The following FBN2 variants were observed in gnomAD, a reference collection of about 807,000 sequenced individuals.
The protein encoded by FBN2 is fibrillin 2.
Under a neutral mutation model 355.6 loss-of-function variants are expected in FBN2, and 105 were observed. The observed-to-expected ratio is 0.30, with a 90% confidence interval of 0.25 to 0.35. FBN2 has a LOEUF of 0.35. Among genes scored for constraint, FBN2 ranks in the 10% least tolerant of loss-of-function variants. The probability of loss-of-function intolerance (pLI) is 1.00; values close to 1 mark genes in which losing one functional copy is unlikely to be tolerated. For missense variants in FBN2, 3,280 were observed against 3,758.7 expected, an observed-to-expected ratio of 0.87 and a Z score of 3.33; for synonymous variants, 1,350 against 1,301.2, an observed-to-expected ratio of 1.04 and a Z score of -0.81.
At chr5:128,481,856 T>C (rs6595828) in intron 5 of FBN2, among the ~76,000 whole-genome samples, 75,928 of 152,008 alleles carry the variant, frequency 0.5, 22,191 homozygotes, top group African/African-American at 0.82. Flanking sequence ...GTTGTACCTA[T>C]CGTGTTTCTG....
intron 48 of FBN2, among the ~76,000 whole-genome samples, chr5:128,293,400 G>T (rs1749389958): frequency 6.6e-6 from 1 of 152,006 alleles, no homozygotes; most frequent in South Asian, 2.1e-4. Context: ...GCTGAGGCAG[G>T]AGAATCACTT....
chr5:128,384,226 T>G (rs1321998705), intron 11 of FBN2, among the ~76,000 whole-genome samples: 1 of 152,088 alleles, frequency 6.6e-6, no homozygotes, highest in Admixed American at 6.6e-5. Flanking sequence ...TATAAAATTC[T>G]ACACGATGCA....
intron 7 of FBN2, among the ~76,000 whole-genome samples, chr5:128,418,427 C>A (rs1358878726): frequency 6.6e-6 from 1 of 151,996 alleles, no homozygotes; most frequent in Non-Finnish European, 1.5e-5. Context: ...CCTTGAGGTG[C>A]ATCATTAATT....
chr5:128,490,207 A>G (rs911723158), intron 5 of FBN2, among the ~76,000 whole-genome samples: 3 of 152,306 alleles, frequency 2.0e-5, no homozygotes, highest in Middle Eastern at 6.8e-3. Flanking sequence ...TGTTTTAACA[A>G]TTTGAGATCA....
At chr5:128,306,903 C>T (rs1431518906) in intron 42 of FBN2, among the ~76,000 whole-genome samples, 5 of 152,156 alleles carry the variant, frequency 3.3e-5, no homozygotes, top group Admixed American at 6.5e-5. Flanking sequence ...TGACAAATAT[C>T]GAGAGAGTCA....
intron 7 of FBN2, among the ~76,000 whole-genome samples, chr5:128,434,420 A>ATATATC (rs1272859429): frequency 7.4e-6 from 1 of 134,452 alleles, no homozygotes; most frequent in African/African-American, 2.9e-5. Flanking sequence ...ATATATATAT[A>ATATATC]TATATGGGCA....
chr5:128,338,867 C>A, intron 26 of FBN2, 66 bp downstream of exon 26: 1 of 1,547,180 alleles, frequency 6.5e-7, no homozygotes, highest in Non-Finnish European at 8.9e-7. Flanking sequence ...AAGCAAAGGT[C>A]ATGCGCACGA....
At chr5:128,475,568 G>A (rs551137077) in intron 5 of FBN2, among the ~76,000 whole-genome samples, 19 of 152,016 alleles carry the variant, frequency 1.2e-4, no homozygotes, top group Non-Finnish European at 2.4e-4. Flanking sequence ...AGATGTAATT[G>A]GAAAAAATAT....
At chr5:128,393,570 T>C (rs933237200) in intron 9 of FBN2, among the ~76,000 whole-genome samples, 4 of 152,270 alleles carry the variant, frequency 2.6e-5, no homozygotes, top group Non-Finnish European at 4.4e-5. Flanking sequence ...AAAACCTATA[T>C]TGTCACATTA....
intron 20 of FBN2, among the ~76,000 whole-genome samples, chr5:128,355,883 T>G (rs555060204): frequency 1.3e-4 from 20 of 152,210 alleles, no homozygotes; most frequent in African/African-American, 4.8e-4. Flanking sequence ...CATAAAGACT[T>G]GGGGGTAAAA....
chr5:128,411,970 T>C (rs1239667600), intron 7 of FBN2, among the ~76,000 whole-genome samples: 1 of 152,218 alleles, frequency 6.6e-6, no homozygotes, highest in Non-Finnish European at 1.5e-5. Context: ...AAGCATATAT[T>C]ATCTATGTAT....
intron 62 of FBN2, among the ~76,000 whole-genome samples, chr5:128,271,588 T>C (rs1271919109): frequency 1.3e-5 from 2 of 152,200 alleles, no homozygotes; most frequent in African/African-American, 4.8e-5. Flanking sequence ...AGAGCACACA[T>C]GGACTGTCCT....
At chr5:128,296,144 G>A (rs1231805780) in intron 48 of FBN2, among the ~76,000 whole-genome samples, 1 of 152,166 alleles carries the variant, frequency 6.6e-6, no homozygotes, top group East Asian at 1.9e-4. Context: ...TACATTTGTT[G>A]ATTTGCATAT....
chr5:128,486,238 G>T (rs1057425106), intron 5 of FBN2, among the ~76,000 whole-genome samples: 1 of 152,000 alleles, frequency 6.6e-6, no homozygotes, highest in Admixed American at 6.6e-5. Flanking sequence ...AAATGCAGAC[G>T]CCTTAACATT....
intron 20 of FBN2, among the ~76,000 whole-genome samples, chr5:128,353,946 C>T (rs1347688311): frequency 1.3e-5 from 2 of 152,144 alleles, no homozygotes; most frequent in South Asian, 2.1e-4. Flanking sequence ...CACCCCCCTA[C>T]AGGCTCATCC....
chr5:128,274,734 T>A, intron 59 of FBN2, 51 bp from the exon 60 acceptor site: 7 of 1,119,070 alleles, frequency 6.3e-6, no homozygotes, highest in Non-Finnish European at 9.6e-6. Flanking sequence ...TCTGGCTATG[T>A]TTCCTTTCTT....
Position 128,345,483 on chromosome 5 carries a change from C to A in FBN2, c.3091G>T (p.Ala1031Ser), listed in dbSNP as rs765153116. 8 of 1,614,192 alleles carry A rather than the reference C, an allele frequency of 5.0e-6. No individual in the cohort carries two copies. The highest frequency in any genetic ancestry group is 6.8e-6 in the Non-Finnish European group (8 of 1,180,038). ...RMDACCCAVG[A>S]AWGTECEECP... ...TCCTCACACTCGGTGCCCCAAGCCG[C>A]CCCGACAGCACAGCAGCAGGCATCC... The change falls in exon 24 of 65, where the codon GCG (alanine) becomes TCG (serine). Residue 1031 changes from alanine to serine, a missense_variant. Ala to Ser is a moderately conservative substitution (Grantham distance 99). This residue lies in a region of FBN2 where 2,284 missense variants were observed against 2,749.5 expected (regional missense o/e 0.83). Transcript: ENST00000262464.
rs376096770 is a variant in FBN2, at chr5:128,393,182, C to T, written c.1418G>A (p.Gly473Glu). Reference sequence around the variant, plus strand: ...CTGTCCCCCGGCCCCCACACCGGCTCCCCCAACGCCAGGAGAAAAGCCATT... The same window carrying T: ...CTGTCCCCCGGCCCCCACACCGGCTTCCCCAACGCCAGGAGAAAAGCCATT... ...GGNGFSPGVGGAGVGAGGQGP... is the reference protein window; with the variant it reads ...GGNGFSPGVGEAGVGAGGQGP... Residue 473 changes from glycine to glutamate, a missense_variant, in exon 10 of 65, where the codon GGA becomes GAA. Physicochemically the swap from Gly to Glu is moderately conservative, Grantham distance 98. Coordinates refer to ENST00000262464, the MANE Select transcript of FBN2 (RefSeq NM_001999.4). 24 of 1,614,026 alleles carry T rather than the reference C, an allele frequency of 1.5e-5. No individual in the cohort carries two copies. The highest frequency in any genetic ancestry group is 1.6e-4 in the Middle Eastern group (1 of 6,084).
intron 7 of FBN2, among the ~76,000 whole-genome samples, chr5:128,427,243 G>C: frequency 6.6e-6 from 1 of 152,106 alleles, no homozygotes; most frequent in East Asian, 1.9e-4. Context: ...TCCTTCGAGA[G>C]AAAGTCCAGG....
Sources: gnomAD v4.1 joint callset for allele counts (sites outside exome capture counted in the v4.1 genomes callset) on GRCh38, gnomAD v4.1.1 for gene constraint, gnomAD v4.1.1 regional missense constraint, MANE v1.5 for transcripts, NCBI Gene and HGNC (gene_info 2026-07-23, HGNC 2026-07-21) for gene names.